FHIT: variants seen among roughly 807,000 people sequenced by gnomAD.
FHIT encodes the protein bis(5'-adenosyl)-triphosphatase.
FHIT carries 19 observed loss-of-function variants against 17.9 expected under a neutral mutation model. The ratio of observed to expected loss-of-function variants is 1.06; its 90% confidence interval spans 0.74 to 1.56. The LOEUF is 1.56. FHIT is among the 40% of genes most tolerant of loss of function. The pLI, the probability that FHIT is intolerant of heterozygous loss-of-function variation, is 0.00. For missense variants in FHIT, 248 were observed against 189.2 expected, an observed-to-expected ratio of 1.31 and a Z score of -1.82; for synonymous variants, 81 against 69.7, an observed-to-expected ratio of 1.16 and a Z score of -0.81.
intron 2 of FHIT, among the ~76,000 whole-genome samples, chr3:61,122,095 C>T (rs1290462986): frequency 6.6e-6 from 1 of 152,278 alleles, no homozygotes; most frequent in East Asian, 1.9e-4. Context: ...CGCTACCTGA[C>T]TTCAAACTAT....
chr3:60,296,857 T>C (rs576209675), intron 5 of FHIT, among the ~76,000 whole-genome samples: 14 of 151,790 alleles, frequency 9.2e-5, no homozygotes, highest in African/African-American at 3.4e-4. Flanking sequence ...TAATTTTTTT[T>C]CCTAACTGTA....
intron 1 of FHIT, among the ~76,000 whole-genome samples, chr3:61,221,348 T>C (rs1315970814): frequency 6.6e-6 from 1 of 152,210 alleles, no homozygotes; most frequent in Non-Finnish European, 1.5e-5. Flanking sequence ...TCTAATAGCC[T>C]GAATTTGAGA....
At chr3:60,393,463 G>T (rs1701312043) in intron 5 of FHIT, among the ~76,000 whole-genome samples, 1 of 150,052 alleles carries the variant, frequency 6.7e-6, no homozygotes, top group Non-Finnish European at 1.5e-5. Context: ...ATATAAATTT[G>T]CATGTAATTT....
chr3:60,608,024 G>A (rs1280218264), intron 4 of FHIT, among the ~76,000 whole-genome samples: 1 of 152,102 alleles, frequency 6.6e-6, no homozygotes, highest in Non-Finnish European at 1.5e-5. Context: ...GAGGATTAAG[G>A]GCAGGTACTT....
At chr3:61,044,602 G>A (rs1329344495) in intron 2 of FHIT, among the ~76,000 whole-genome samples, 1 of 151,928 alleles carries the variant, frequency 6.6e-6, no homozygotes, top group Non-Finnish European at 1.5e-5. Context: ...AGCAATGCAG[G>A]CCAAAATTCA....
intron 4 of FHIT, among the ~76,000 whole-genome samples, chr3:60,656,062 C>G (rs1553689473): frequency 6.6e-6 from 1 of 152,172 alleles, no homozygotes; most frequent in African/African-American, 2.4e-5. Flanking sequence ...ACGATAGCTG[C>G]TGTGCTATAA....
intron 1 of FHIT, among the ~76,000 whole-genome samples, chr3:61,224,316 C>T (rs536982542): frequency 1.8e-4 from 27 of 152,348 alleles, no homozygotes; most frequent in African/African-American, 6.0e-4. Flanking sequence ...GGGTTCCAAT[C>T]TCAGCAACTG....
intron 8 of FHIT, among the ~76,000 whole-genome samples, chr3:59,819,079 T>C (rs768261846): frequency 6.6e-5 from 10 of 152,232 alleles, no homozygotes; most frequent in Non-Finnish European, 1.3e-4. Flanking sequence ...CAGTTCCATA[T>C]GCTGTGTTTC....
chr3:60,028,829 G>A (rs1227792050), intron 5 of FHIT, among the ~76,000 whole-genome samples: 3 of 152,144 alleles, frequency 2.0e-5, no homozygotes, highest in South Asian at 2.1e-4. Context: ...AGAAAAAGAT[G>A]TACCAGAGGA....
chr3:59,834,889 A>T (rs1424699439), intron 8 of FHIT, among the ~76,000 whole-genome samples: 1 of 152,236 alleles, frequency 6.6e-6, no homozygotes, highest in African/African-American at 2.4e-5. Flanking sequence ...AAATTTAATC[A>T]AATCATTAGC....
intron 5 of FHIT, among the ~76,000 whole-genome samples, chr3:60,025,199 G>A (rs1700696024): frequency 6.6e-6 from 1 of 152,166 alleles, no homozygotes; most frequent in South Asian, 2.1e-4. Flanking sequence ...GAATTCTCCA[G>A]AAATAACTAG....
At chr3:60,526,866 T>A (rs2035595453) in intron 5 of FHIT, among the ~76,000 whole-genome samples, 1 of 152,124 alleles carries the variant, frequency 6.6e-6, no homozygotes, top group Non-Finnish European at 1.5e-5. Context: ...CCAAGAGATG[T>A]GACTTTTGAG....
intron 5 of FHIT, among the ~76,000 whole-genome samples, chr3:60,139,747 AG>A (rs1699958409): frequency 2.0e-5 from 3 of 150,462 alleles, no homozygotes; most frequent in African/African-American, 7.5e-5. Flanking sequence ...TTACGTCCCG[AG>A]GTTCCTTCCA....
rs76369223 is a variant in FHIT at position 60,164,524 on chromosome 3, C to T, written c.104-150372G>A. Among the ~76,000 whole-genome samples the T allele has an allele frequency of 1.8e-3, 271 of 152,134 alleles. 1 individual carries two copies. Among genetic ancestry groups the T allele is most frequent in the African/African-American group, 6.2e-3 (257 of 41,500 alleles). On this transcript the variant is annotated intron_variant, in intron 5 of 9. Transcript: ENST00000492590. ...GACAAGTTTATTAAGACACAGAAGA[C>T]ATTACAGAGGCCCTTTTGACATTCC... is the stretch of plus-strand genomic sequence containing the variant.
intron 4 of FHIT, among the ~76,000 whole-genome samples, chr3:60,794,031 T>C (rs1353085164): frequency 6.6e-6 from 1 of 151,986 alleles, no homozygotes; most frequent in East Asian, 1.9e-4. Flanking sequence ...TAGAATAAGG[T>C]TGGAGAATTC....
intron 5 of FHIT, among the ~76,000 whole-genome samples, chr3:60,230,774 G>C (rs1016875119): frequency 1.3e-5 from 2 of 152,198 alleles, no homozygotes; most frequent in Non-Finnish European, 2.9e-5. Context: ...GCAGTGGCAT[G>C]ATCTTGGCTG....
At position 60,633,763 on chromosome 3, in the gene FHIT, C is replaced by T. The variant is rs779110187; in HGVS notation, c.-17-96784G>A. 4.7e-4 allele frequency among the ~76,000 whole-genome samples: 71 copies of T among 152,108 alleles called. 1 individual carries two copies. Among genetic ancestry groups the T allele is most frequent in the Non-Finnish European group, 9.3e-4 (63 of 68,022 alleles). On this transcript the variant is annotated intron_variant, in intron 4 of 9. Transcript: ENST00000492590. ...AGTTAGGCAGCTTAATTTGGGCAAGCGAGGAGAAAGCATGAGCCCGTACCC... is the reference window on the plus strand; with the variant it reads ...AGTTAGGCAGCTTAATTTGGGCAAGTGAGGAGAAAGCATGAGCCCGTACCC...
chr3:60,423,820 C>T (rs1042698648), intron 5 of FHIT, among the ~76,000 whole-genome samples: 1 of 152,136 alleles, frequency 6.6e-6, no homozygotes, highest in Admixed American at 6.5e-5. Context: ...GTGCCCCTAG[C>T]TAACTTCTTG....
chr3:60,200,818 C>T (rs1162991717), intron 5 of FHIT, among the ~76,000 whole-genome samples: 2 of 152,178 alleles, frequency 1.3e-5, no homozygotes, highest in East Asian at 1.9e-4. Context: ...CCTGACACCA[C>T]ACACTGGCAT....
Sources: allele counts gnomAD v4.1 joint callset (sites outside exome capture counted in the v4.1 genomes callset), GRCh38; gene constraint gnomAD v4.1.1; transcripts MANE v1.5; gene names NCBI Gene and HGNC (gene_info 2026-07-23, HGNC 2026-07-21).